MAGI2: variants seen among roughly 807,000 people sequenced by gnomAD.
The protein encoded by MAGI2 is membrane associated guanylate kinase, WW and PDZ domain containing 2.
Under a neutral mutation model 133.3 loss-of-function variants are expected in MAGI2, and 35 were observed. The observed-to-expected ratio is 0.26, with a 90% confidence interval of 0.20 to 0.35. The LOEUF (loss-of-function observed/expected upper bound fraction) is 0.35, where lower values mean the gene tolerates loss of function less well. MAGI2 is among the 10% of genes least tolerant of loss of function. MAGI2 has a pLI of 1.00. For missense variants in MAGI2, 1,636 were observed against 1,863.4 expected (o/e 0.88, Z 2.25); for synonymous variants, 729 against 710.6 (o/e 1.03, Z -0.41).
chr7:79,084,809 T>C (rs563431399), intron 1 of MAGI2, among the ~76,000 whole-genome samples: 4 of 151,916 alleles, frequency 2.6e-5, no homozygotes, highest in Non-Finnish European at 4.4e-5. Flanking sequence ...TTATCCTCTA[T>C]TTTGAAAAGA....
chr7:78,800,155 A>G (rs907899971), intron 2 of MAGI2, among the ~76,000 whole-genome samples: 11 of 152,178 alleles, frequency 7.2e-5, no homozygotes, highest in African/African-American at 2.4e-4. Flanking sequence ...ATAGATTCCA[A>G]TTAAACTCAG....
intron 2 of MAGI2, among the ~76,000 whole-genome samples, chr7:78,762,207 G>T (rs1202637740): frequency 7.1e-6 from 1 of 141,822 alleles, no homozygotes; most frequent in African/African-American, 2.6e-5. Context: ...ACTTTGGGAG[G>T]ATGAGGCAGG....
At chr7:79,332,322 A>C (rs1840143564) in intron 1 of MAGI2, among the ~76,000 whole-genome samples, 1 of 152,232 alleles carries the variant, frequency 6.6e-6, no homozygotes, top group Admixed American at 6.5e-5. Context: ...TAGTGTTTTG[A>C]ATTATTAAAT....
intron 2 of MAGI2, among the ~76,000 whole-genome samples, chr7:78,765,548 T>C (rs1585340877): frequency 6.6e-6 from 1 of 151,810 alleles, no homozygotes; most frequent in Non-Finnish European, 1.5e-5. Flanking sequence ...GGGGTTTCTC[T>C]ATGTTGGCCA....
chr7:79,389,634 C>T (rs1844454852), intron 1 of MAGI2, among the ~76,000 whole-genome samples: 1 of 151,936 alleles, frequency 6.6e-6, no homozygotes, highest in Non-Finnish European at 1.5e-5. Flanking sequence ...AAAAGCTTTT[C>T]CCAGATATCA....
chr7:78,655,499 C>T (rs1247981759), intron 2 of MAGI2, among the ~76,000 whole-genome samples: 1 of 131,196 alleles, frequency 7.6e-6, no homozygotes, highest in East Asian at 2.4e-4. Context: ...ATGCAGGTAA[C>T]CTGCTCTTAC....
rs1584485577 is a variant in MAGI2 at position 78,521,731 on chromosome 7, C to T, written c.539-86G>A. ...GTGAAGAATGGAAATTATATTAACA[C>T]ATTTTTATCCTATTTTATATGTACA... is the stretch of plus-strand genomic sequence containing the variant. On this transcript the variant is annotated intron_variant, in intron 3 of 21. Transcript: ENST00000354212. The T allele has an allele frequency of 9.1e-6, 10 of 1,093,040 alleles. No individual in the cohort carries two copies. In the East Asian group the frequency reaches 2.1e-4, roughly 23 times the overall value. The allele number at this position is 1,093,040 out of a possible 1,614,324, so 67.7% of individuals were successfully genotyped here.
intron 8 of MAGI2, 44 bp downstream of exon 8, chr7:78,345,878 G>A: frequency 6.2e-7 from 1 of 1,604,410 alleles, no homozygotes; most frequent in Non-Finnish European, 8.5e-7. Flanking sequence ...CAGTTTGACA[G>A]ACAATTTTCC....
chr7:78,244,754 T>A (rs1393151551), intron 10 of MAGI2, among the ~76,000 whole-genome samples: 1 of 152,146 alleles, frequency 6.6e-6, no homozygotes, highest in Non-Finnish European at 1.5e-5. Flanking sequence ...GATAGCTTAA[T>A]GCTAATGAGT....
At chr7:79,195,969 G>T (rs1250574700) in intron 1 of MAGI2, among the ~76,000 whole-genome samples, 1 of 151,896 alleles carries the variant, frequency 6.6e-6, no homozygotes, top group Admixed American at 6.6e-5. Flanking sequence ...AAGTGGTTGG[G>T]CATCGGGGGT....
intron 20 of MAGI2, among the ~76,000 whole-genome samples, chr7:78,113,762 T>A (rs1017020318): frequency 6.6e-6 from 1 of 152,156 alleles, no homozygotes; most frequent in African/African-American, 2.4e-5. Flanking sequence ...CATCAAGAGA[T>A]GCATGCCTGT....
chr7:78,702,577 C>A (rs906111552), intron 2 of MAGI2, among the ~76,000 whole-genome samples: 2 of 151,852 alleles, frequency 1.3e-5, no homozygotes, highest in Non-Finnish European at 2.9e-5. Flanking sequence ...AGATTAGCCC[C>A]CCAATAAATA....
At chr7:79,437,174 T>C (rs941349739) in intron 1 of MAGI2, among the ~76,000 whole-genome samples, 6 of 151,970 alleles carry the variant, frequency 3.9e-5, no homozygotes, top group African/African-American at 1.4e-4. Flanking sequence ...ATGGAAACAA[T>C]AGACACTGGG....
At chr7:78,245,471 G>T (rs1241755478) in intron 10 of MAGI2, among the ~76,000 whole-genome samples, 1 of 152,172 alleles carries the variant, frequency 6.6e-6, no homozygotes, top group East Asian at 1.9e-4. Context: ...ACCCCACAAG[G>T]ACAGTCCAAA....
rs1446487546 is a variant in MAGI2, at chr7:78,019,956, A to T, written c.3727T>A (p.Ser1243Thr). ...PEYDEPAPWS[S>T]PAAAAPGLPE... ...AGACCTGGGGCGGCGGCAGCGGGAG[A>T]ACTCCAGGGGGCGGGTTCGTCTGTG... Residue 1243 changes from serine (S) to threonine (T), a missense_variant, in exon 22 of 22, where the codon TCT (serine) becomes ACT (threonine). Physicochemically the swap from Ser to Thr is moderately conservative, Grantham distance 58. Transcript: ENST00000354212. 6.2e-7 allele frequency: 1 copy of T among 1,607,380 alleles called. No homozygotes were observed. The highest frequency in any genetic ancestry group is 8.5e-7 in the Non-Finnish European group (1 of 1,177,614).
At chr7:79,255,934 A>C (rs10499839) in intron 1 of MAGI2, among the ~76,000 whole-genome samples, 14,298 of 152,270 alleles carry the variant, frequency 0.094, 923 homozygotes, top group Non-Finnish European at 0.14. Context: ...TAATGAAAGA[A>C]AGCACATAGT....
chr7:79,284,624 G>A (rs1158729741), intron 1 of MAGI2, among the ~76,000 whole-genome samples: 6 of 151,854 alleles, frequency 4.0e-5, no homozygotes, highest in Admixed American at 2.0e-4. Context: ...AAAATTATTC[G>A]ATTTCAATAG....
At chr7:79,076,806 A>C (rs1364998959) in intron 1 of MAGI2, among the ~76,000 whole-genome samples, 2 of 152,176 alleles carry the variant, frequency 1.3e-5, no homozygotes, top group Non-Finnish European at 2.9e-5. Flanking sequence ...TTATTTTTAA[A>C]GGTAAAATAT....
intron 16 of MAGI2, among the ~76,000 whole-genome samples, chr7:78,148,593 G>A (rs1257441607): frequency 6.6e-6 from 1 of 152,182 alleles, no homozygotes; most frequent in Non-Finnish European, 1.5e-5. Context: ...GACAGGAGGT[G>A]AGCAGGGGAA....
Sources: allele counts gnomAD v4.1 joint callset (sites outside exome capture counted in the v4.1 genomes callset), GRCh38; gene constraint gnomAD v4.1.1; transcripts MANE v1.5; gene names NCBI Gene and HGNC (gene_info 2026-07-23, HGNC 2026-07-21).